ACSM6: variants seen among roughly 807,000 people sequenced by gnomAD.
ACSM6 encodes acyl-coenzyme A synthetase ACSM6, mitochondrial.
A neutral mutation model predicts 51.1 loss-of-function variants in ACSM6; 35 were observed. The observed-to-expected ratio is 0.69, with a 90% confidence interval of 0.52 to 0.91. The LOEUF (loss-of-function observed/expected upper bound fraction) is 0.91. Among genes scored for constraint, ACSM6 ranks in the 40% least tolerant of loss-of-function variants. The probability of loss-of-function intolerance (pLI) is 0.00; values close to 1 mark genes in which losing one functional copy is unlikely to be tolerated. For synonymous variants in ACSM6, 172 were observed against 207.3 expected (o/e 0.83, Z 1.46); for missense variants, 509 against 584.1 (o/e 0.87, Z 1.32).
At chr10:95,208,933 T>TAAAAAAAAAAAA (rs34370150) in intron 4 of ACSM6, among the ~76,000 whole-genome samples, 2 of 33,924 alleles carry the variant, frequency 5.9e-5, no homozygotes, top group South Asian at 2.5e-3. Context: ...CAGGGATGTT[T>TAAAAAAAAAAAA]AAAAAAAAAA....
intron 3 of ACSM6, 34 bp from the exon 4 acceptor site, chr10:95,207,173 AT>A: frequency 6.3e-7 from 1 of 1,596,992 alleles, no homozygotes; most frequent in Admixed American, 1.7e-5. Flanking sequence ...TACTCAAAAG[AT>A]AAAAATGAAG....
intron 7 of ACSM6, 111 bp from the exon 8 acceptor site, chr10:95,214,741 G>T (rs1224909484): frequency 2.4e-6 from 3 of 1,241,902 alleles, no homozygotes; most frequent in Non-Finnish European, 3.3e-6. Context: ...CACTTAATGA[G>T]CATTTCCTGT....
intron 7 of ACSM6, among the ~76,000 whole-genome samples, chr10:95,214,567 T>G (rs533008270): frequency 1.3e-5 from 2 of 152,308 alleles, no homozygotes; most frequent in South Asian, 4.1e-4. Flanking sequence ...TCAGAAGGGT[T>G]TCTGCAGAAG....
intron 8 of ACSM6, among the ~76,000 whole-genome samples, chr10:95,217,988 A>G (rs2034962687): frequency 6.6e-6 from 1 of 152,254 alleles, no homozygotes; most frequent in Non-Finnish European, 1.5e-5. Context: ...AATTACATCC[A>G]AAGAGTTGAC....
At chr10:95,202,153 A>G (rs1457222908) in exon 3 of ACSM6, 1 of 1,552,070 alleles carries the variant, frequency 6.4e-7, no homozygotes, top group African/African-American at 1.4e-5. Flanking sequence ...CTTGCCCCCA[A>G]CACCTGAAGC....
intron 9 of ACSM6, among the ~76,000 whole-genome samples, chr10:95,221,045 A>G (rs2034990572): frequency 6.6e-6 from 1 of 152,158 alleles, no homozygotes; most frequent in South Asian, 2.1e-4. Flanking sequence ...CTCAAAAAAT[A>G]AGAAAAAATT....
rs948558166 is a variant in ACSM6, at chr10:95,197,858, G to A, written c.192+3181G>A. Among the ~76,000 whole-genome samples the A allele has an allele frequency of 4.1e-3, 618 of 151,728 alleles. 2 individuals are homozygous for A. Among genetic ancestry groups the A allele is most frequent in the Non-Finnish European group, 6.3e-3 (424 of 67,802 alleles). On this transcript the variant is annotated intron_variant, in intron 2 of 10. Transcript: ENST00000341686. ...TATCACATGGGGAGAAACCTTGGAC[G>A]ATACCCAGCTTTCAAGGGCAGAAGT...
At chr10:95,201,914 G>A in intron 2 of ACSM6, 71 bp from the exon 3 acceptor site, 1 of 1,349,920 alleles carries the variant, frequency 7.4e-7, no homozygotes, top group Non-Finnish European at 1.0e-6. Flanking sequence ...GGTGCTGTCT[G>A]GCAACAGTGG....
intron 4 of ACSM6, 124 bp downstream of exon 4, chr10:95,207,539 A>C: frequency 9.9e-7 from 1 of 1,014,424 alleles, no homozygotes; most frequent in East Asian, 2.4e-5. Flanking sequence ...TCTATGCAAG[A>C]TTAGATGATG....
At chr10:95,223,159 GACACAC>G (rs10572248) in intron 9 of ACSM6, among the ~76,000 whole-genome samples, 44 of 146,874 alleles carry the variant, frequency 3.0e-4, no homozygotes, top group East Asian at 2.1e-3. Context: ...CACACATACA[GACACAC>G]ACACACACAC....
At chr10:95,196,047 T>C (rs1392097536) in intron 2 of ACSM6, among the ~76,000 whole-genome samples, 1 of 151,302 alleles carries the variant, frequency 6.6e-6, no homozygotes, top group Non-Finnish European at 1.5e-5. Context: ...GCTTTCTCTC[T>C]CCTCTGCTTT....
intron 2 of ACSM6, among the ~76,000 whole-genome samples, chr10:95,198,294 AAGGTG>A (rs1325442859): frequency 1.3e-5 from 2 of 152,198 alleles, no homozygotes; most frequent in Non-Finnish European, 2.9e-5. Context: ...CAAACCACTA[AAGGTG>A]CTTGAGTGAT....
intron 10 of ACSM6, chr10:95,228,375 A>G (rs2035061973): frequency 2.9e-6 from 1 of 346,960 alleles, no homozygotes; most frequent in African/African-American, 2.1e-5. Context: ...ATGTTGCCTC[A>G]TTTAAGCCTC....
chr10:95,211,607 G>A (rs534350554), intron 5 of ACSM6, among the ~76,000 whole-genome samples: 105 of 152,320 alleles, frequency 6.9e-4, no homozygotes, highest in Non-Finnish European at 1.1e-3. Context: ...TAATAAAAGT[G>A]CCTACTGGAT....
At chr10:95,207,966 C>A (rs572023557) in intron 4 of ACSM6, among the ~76,000 whole-genome samples, 129 of 152,012 alleles carry the variant, frequency 8.5e-4, no homozygotes, top group Non-Finnish European at 1.5e-3. Context: ...CATGGTGAAA[C>A]CCCGTCTCTA....
chr10:95,220,091 C>A, intron 9 of ACSM6, 120 bp downstream of exon 9: 1 of 750,796 alleles, frequency 1.3e-6, no homozygotes, highest in Non-Finnish European at 2.2e-6. Flanking sequence ...TAAATTCACC[C>A]CAAGGATAAT....
At chr10:95,199,480 C>T (rs1463153352) in intron 2 of ACSM6, among the ~76,000 whole-genome samples, 1 of 152,000 alleles carries the variant, frequency 6.6e-6, no homozygotes, top group East Asian at 1.9e-4. Context: ...GCAATGGCAA[C>T]AAAAGCCAAA....
At chr10:95,227,836 G>A (rs2035054747) in intron 10 of ACSM6, among the ~76,000 whole-genome samples, 1 of 152,250 alleles carries the variant, frequency 6.6e-6, no homozygotes, top group Non-Finnish European at 1.5e-5. Context: ...GGGAGGCCAA[G>A]GCAGGCGGAT....
intron 9 of ACSM6, 29 bp downstream of exon 9, chr10:95,220,000 G>T: frequency 2.0e-6 from 3 of 1,534,928 alleles, no homozygotes; most frequent in Non-Finnish European, 2.7e-6. Context: ...GATTATGACA[G>T]ATATTATTAA....
Sources: allele counts gnomAD v4.1 joint callset (sites outside exome capture counted in the v4.1 genomes callset), GRCh38; gene constraint gnomAD v4.1.1; transcripts MANE v1.5; gene names NCBI Gene and HGNC (gene_info 2026-07-23, HGNC 2026-07-21).